ANXA11: variants seen among roughly 807,000 people sequenced by gnomAD.
The protein encoded by ANXA11 is 56 kDa autoantigen.
Under a neutral mutation model 64.7 loss-of-function variants are expected in ANXA11, and 57 were observed. The observed-to-expected ratio is 0.88, with a 90% CI of 0.71 to 1.10. The LOEUF (loss-of-function observed/expected upper bound fraction) is 1.10. ANXA11 is among the 50% of genes least tolerant of loss of function. ANXA11 has a pLI of 0.00. For missense variants in ANXA11, 675 were observed against 670.7 expected, an observed-to-expected ratio of 1.01 and a Z score of -0.07; for synonymous variants, 260 against 265.2, an observed-to-expected ratio of 0.98 and a Z score of 0.19.
rs116293236 is a variant in ANXA11, at chr10:80,174,912, T to C, written c.-9+1195A>G. Among the ~76,000 whole-genome samples the C allele has an allele frequency of 8.8e-3, 1,341 of 152,334 alleles. 21 individuals are homozygous for C. Among genetic ancestry groups the C allele is most frequent in the African/African-American group, 0.031 (1,276 of 41,576 alleles). On this transcript the variant is annotated intron_variant, in intron 2 of 15. Coordinates refer to ENST00000422982, the MANE Select transcript of ANXA11 (RefSeq NM_145868.2). Reference sequence around the variant, plus strand: ...TTCCTTAAGGTACCACCGGTCCCCATAGGGTGGGCCTGGTTTTCAGCCCTA... The same window carrying C: ...TTCCTTAAGGTACCACCGGTCCCCACAGGGTGGGCCTGGTTTTCAGCCCTA...
intron 1 of ANXA11, among the ~76,000 whole-genome samples, chr10:80,187,320 C>T (rs1214373837): frequency 6.6e-6 from 1 of 152,224 alleles, no homozygotes; most frequent in Admixed American, 6.5e-5. Flanking sequence ...CAACCCTTTC[C>T]ACCATGTGGG....
chr10:80,169,103 C>G lies in ANXA11; in HGVS notation c.427G>C (p.Ala143Pro). Residue 143 changes from alanine (A) to proline (P), a missense_variant, in exon 5 of 16, where the codon GCC becomes CCC. Physicochemically the swap from Ala to Pro is conservative, Grantham distance 27. Coordinates refer to ENST00000422982, the MANE Select transcript of ANXA11 (RefSeq NM_145868.2). ...MPPPGQQPPG[A>P]YPGQPPVTYP... Reference sequence around the variant, plus strand: ...GTCACTGGTGGCTGCCCAGGGTAGGCCCCTGGGGGCTGCTGTCCGGGGGGT... The same window carrying G: ...GTCACTGGTGGCTGCCCAGGGTAGGGCCCTGGGGGCTGCTGTCCGGGGGGT... The G allele has an allele frequency of 6.5e-7, 1 of 1,537,662 alleles. No individual in the cohort carries two copies. Among genetic ancestry groups the G allele is most frequent in the Non-Finnish European group, 8.7e-7 (1 of 1,148,076 alleles).
intron 3 of ANXA11, 152 bp downstream of exon 3, chr10:80,172,655 G>A: frequency 1.3e-6 from 1 of 756,340 alleles, no homozygotes; most frequent in Non-Finnish European, 2.2e-6. Flanking sequence ...GCCTCGGCTG[G>A]CTGTCCCACT....
chr10:80,158,014 T>G lies in ANXA11; in HGVS notation c.1288A>C (p.Lys430Gln). Residue 430 changes from lysine (K) to glutamine (Q), a missense_variant, in exon 14 of 16, where the codon AAG becomes CAG. Transcript: ENST00000422982. ...TCCGCAAAGAAGGCTGGGGTATTCTTGAGACATTTCACTAGAAGAGAGAAA... is the reference window on the plus strand; with the variant it reads ...TCCGCAAAGAAGGCTGGGGTATTCTGGAGACATTTCACTAGAAGAGAGAAA... ...EGMLAVVKCLKNTPAFFAERL... is the reference protein window; with the variant it reads ...EGMLAVVKCLQNTPAFFAERL... 6.2e-7 allele frequency: 1 copy of G among 1,614,052 alleles called. No individual in the cohort carries two copies. The highest frequency in any genetic ancestry group is 8.5e-7 in the Non-Finnish European group (1 of 1,179,964).
chr10:80,172,651 G>A (rs532992903), intron 3 of ANXA11, among the ~76,000 whole-genome samples, 156 bp downstream of exon 3: 2 of 152,210 alleles, frequency 1.3e-5, no homozygotes, highest in South Asian at 4.1e-4. Context: ...CCCTGCCTCG[G>A]CTGGCTGTCC....
rs1432623056 is a variant in ANXA11, at chr10:80,152,720, T to G, written c.*3133A>C. On this transcript the variant is annotated 3_prime_UTR_variant, in exon 16 of 16. Transcript: ENST00000422982. ...TCTGCAGCTCCTCTCAGCAGCCAGC[T>G]CTGTGGCTCCTGCCACCCCCATGCT... 4 of 152,520 alleles carry G rather than the reference T, an allele frequency of 2.6e-5. No homozygotes were observed. Among genetic ancestry groups the G allele is most frequent in the African/African-American group, 9.6e-5 (4 of 41,456 alleles). The allele number at this position is 152,520 out of a possible 1,614,324, so 9.4% of individuals were successfully genotyped here.
intron 1 of ANXA11, among the ~76,000 whole-genome samples, chr10:80,203,617 C>A (rs1038701028): frequency 6.6e-6 from 1 of 152,098 alleles, no homozygotes; most frequent in Non-Finnish European, 1.5e-5. Context: ...CCCCCACCCT[C>A]CAGAGTCAGA....
At chr10:80,203,949 C>T (rs533015284) in intron 1 of ANXA11, among the ~76,000 whole-genome samples, 1 of 152,344 alleles carries the variant, frequency 6.6e-6, no homozygotes, top group East Asian at 1.9e-4. Context: ...TGACCCAGGC[C>T]TGCCTCACAC....
rs749809198 is a variant in ANXA11, at chr10:80,157,732, C to T, written c.1367G>A (p.Arg456His). 32 of 1,613,842 alleles carry T rather than the reference C, an allele frequency of 2.0e-5. No individual in the cohort carries two copies. In the South Asian group the frequency reaches 2.9e-4, roughly 14 times the overall value. ...GAGTKDRTLI[R>H]IMVSRSETDL... Reference sequence around the variant, plus strand: ...GGTCTCGCTGCGAGACACCATGATGCGAATCAGGGTCCGGTCCTTTGTTCC... The same window carrying T: ...GGTCTCGCTGCGAGACACCATGATGTGAATCAGGGTCCGGTCCTTTGTTCC... The change falls in exon 15 of 16, where the codon CGC (arginine) becomes CAC (histidine). Residue 456 changes from arginine to histidine, a missense_variant. Physicochemically the swap from Arg to His is conservative, Grantham distance 29 (BLOSUM62 0). Coordinates refer to ENST00000422982, the MANE Select transcript of ANXA11 (RefSeq NM_145868.2).
intron 1 of ANXA11, among the ~76,000 whole-genome samples, chr10:80,194,616 G>A (rs2789641): frequency 0.063 from 9,602 of 152,200 alleles, 312 homozygotes; most frequent in Middle Eastern, 0.095. Flanking sequence ...AGGGGCCTTG[G>A]CAAATCTAAG....
chr10:80,170,748 T>C (rs1589429706), intron 4 of ANXA11, 52 bp downstream of exon 4: 2 of 1,369,140 alleles, frequency 1.5e-6, no homozygotes, highest in African/African-American at 1.5e-5. Context: ...TTGATTCCTC[T>C]GGCCACGCAG....
rs1845160688 is a variant in ANXA11, at chr10:80,151,745, C to T, written c.*4108G>A. ...AATTCCAAGCAGACTGTGCCATCTG[C>T]TCACCTGCCCTCTGGAGGAACACCT... On this transcript the variant is annotated 3_prime_UTR_variant, in exon 16 of 16. Transcript: ENST00000422982. The T allele has an allele frequency of 6.6e-6, 1 of 152,212 alleles. No individual in the cohort carries two copies. Among genetic ancestry groups the T allele is most frequent in the Non-Finnish European group, 1.5e-5 (1 of 68,054 alleles). 9.4% of individuals were successfully genotyped at this position (152,212 alleles called of 1,614,324 possible).
At position 80,172,914 on chromosome 10, in the gene ANXA11, C is replaced by G; in HGVS notation, c.-8-45G>C. 2.5e-6 allele frequency: 4 copies of G among 1,584,110 alleles called. No individual in the cohort carries two copies. The South Asian group carries it at 4.5e-5, about 18-fold the overall frequency. ...CACATTCAGGCTCTGCCTGAGAGCC[C>G]CTGCTGGCCCGTGGGACCCAGCTTC... is the stretch of plus-strand genomic sequence containing the variant. On this transcript the variant is annotated intron_variant, in intron 2 of 15. Coordinates refer to ENST00000422982, the MANE Select transcript of ANXA11 (RefSeq NM_145868.2).
Position 80,151,203 on chromosome 10 carries a change from G to A in ANXA11, c.*4650C>T, listed in dbSNP as rs1845151386. On this transcript the variant is annotated 3_prime_UTR_variant, in exon 16 of 16. Coordinates refer to ENST00000422982, the MANE Select transcript of ANXA11 (RefSeq NM_145868.2). ...TCAGGTCAGAGCTCTTTCTGCTTCAGGACTTCATCAGCTCTTAGTGTTGAG... is the reference window on the plus strand; with the variant it reads ...TCAGGTCAGAGCTCTTTCTGCTTCAAGACTTCATCAGCTCTTAGTGTTGAG... 1 of 152,156 alleles carries A rather than the reference G, an allele frequency of 6.6e-6. No homozygotes were observed. 9.4% of individuals were successfully genotyped at this position (152,156 alleles called of 1,614,324 possible). A position where few individuals can be genotyped will look rare whatever the true frequency, so the allele number is the denominator to read the frequency against.
intron 12 of ANXA11, among the ~76,000 whole-genome samples, chr10:80,160,904 A>C (rs12268619): frequency 0.13 from 19,706 of 151,342 alleles, 1,416 homozygotes; most frequent in South Asian, 0.25. Context: ...TAATCCTCGA[A>C]CCCTCTCTCT....
chr10:80,186,439 G>A (rs1280698872), intron 1 of ANXA11, among the ~76,000 whole-genome samples: 3 of 152,106 alleles, frequency 2.0e-5, no homozygotes, highest in East Asian at 3.9e-4. Flanking sequence ...GGAAATTGGC[G>A]CTGTTTTCTT....
At chr10:80,188,006 T>C (rs1161803887) in intron 1 of ANXA11, among the ~76,000 whole-genome samples, 1 of 152,000 alleles carries the variant, frequency 6.6e-6, no homozygotes, top group African/African-American at 2.4e-5. Flanking sequence ...AACCCTTCCC[T>C]CATTTTGCAG....
Position 80,205,471 on chromosome 10 carries a change from C to CGCGGGGCA in ANXA11, c.-187_-186insTGCCCCGC. On this transcript the variant is annotated 5_prime_UTR_variant, in exon 1 of 16. Coordinates refer to ENST00000422982, the MANE Select transcript of ANXA11 (RefSeq NM_145868.2). ...TGGGTCCCACTCCCGCTCGCGGGGC[C>CGCGGGGCA]CGCGGGGCACTCGGGGCACTGGGGA... is the stretch of plus-strand genomic sequence containing the variant. 6.6e-6 allele frequency: 1 copy of CGCGGGGCA among 151,926 alleles called. No individual in the cohort carries two copies. The highest frequency in any genetic ancestry group is 2.1e-4 in the South Asian group (1 of 4,832). 9.4% of individuals were successfully genotyped at this position (151,926 alleles called of 1,614,324 possible).
intron 3 of ANXA11, chr10:80,171,363 A>C (rs1845970657): frequency 3.4e-6 from 2 of 587,686 alleles, no homozygotes; most frequent in Non-Finnish European, 4.4e-6. Context: ...TTGCTATTAC[A>C]AGTCTGTAAA....
Sources: allele counts gnomAD v4.1 joint callset (sites outside exome capture counted in the v4.1 genomes callset), GRCh38; gene constraint gnomAD v4.1.1; transcripts MANE v1.5; gene names NCBI Gene and HGNC (gene_info 2026-07-23, HGNC 2026-07-21).